The following SLCO1B1 variants were observed in gnomAD, a reference collection of about 807,000 sequenced individuals.
SLCO1B1 encodes the protein OATP-2.
In SLCO1B1, 81 loss-of-function variants were observed where a neutral mutation model predicts 70.1. The ratio of observed to expected loss-of-function variants is 1.16; its 90% CI spans 0.97 to 1.39. The LOEUF is 1.39. Ranked by LOEUF, SLCO1B1 falls within the 40% of genes most tolerant of loss-of-function variation. The probability of loss-of-function intolerance (pLI) is 0.00; values close to 1 mark genes in which losing one functional copy is unlikely to be tolerated. For synonymous variants in SLCO1B1, 283 were observed against 271.5 expected, an observed-to-expected ratio of 1.04 and a Z score of -0.42; for missense variants, 895 against 799.6, an observed-to-expected ratio of 1.12 and a Z score of -1.44.
chr12:21,159,263 A>C (rs1940581820), intron 2 of SLCO1B1, among the ~76,000 whole-genome samples: 1 of 152,150 alleles, frequency 6.6e-6, no homozygotes, highest in Non-Finnish European at 1.5e-5. Flanking sequence ...AAAACTTGCC[A>C]ATAGATATAA....
chr12:21,192,066 T>C (rs1053734804), intron 7 of SLCO1B1, among the ~76,000 whole-genome samples: 9 of 152,010 alleles, frequency 5.9e-5, no homozygotes, highest in Admixed American at 6.6e-5. Flanking sequence ...TATTGGTTTG[T>C]AGTTTTCTTC....
chr12:21,189,922 A>T (rs1364202302), intron 7 of SLCO1B1, among the ~76,000 whole-genome samples: 2 of 152,230 alleles, frequency 1.3e-5, no homozygotes, highest in Non-Finnish European at 2.9e-5. Context: ...ATTGTGGTTA[A>T]GAATAGTCAC....
chr12:21,135,381 G>T (rs1940203035), intron 1 of SLCO1B1, among the ~76,000 whole-genome samples: 1 of 151,930 alleles, frequency 6.6e-6, no homozygotes, highest in Non-Finnish European at 1.5e-5. Context: ...TCAATTCCTG[G>T]GTATCCTTGT....
At chr12:21,192,020 T>C (rs1941034740) in intron 7 of SLCO1B1, among the ~76,000 whole-genome samples, 2 of 152,066 alleles carry the variant, frequency 1.3e-5, no homozygotes, top group Non-Finnish European at 2.9e-5. Flanking sequence ...TTTACTAGTA[T>C]TGTTTGAGGA....
chr12:21,209,305 G>A (rs138375474), intron 11 of SLCO1B1, among the ~76,000 whole-genome samples: 5,861 of 151,712 alleles, frequency 0.039, 153 homozygotes, highest in Non-Finnish European at 0.054. Context: ...GAGAATATGC[G>A]GTGTTTGGTT....
chr12:21,142,843 A>C (rs1940330492), intron 2 of SLCO1B1, among the ~76,000 whole-genome samples: 1 of 152,102 alleles, frequency 6.6e-6, no homozygotes, highest in African/African-American at 2.4e-5. Context: ...GAAGCAATAA[A>C]ATTTCCAGAG....
At chr12:21,148,452 A>G (rs1940418086) in intron 2 of SLCO1B1, among the ~76,000 whole-genome samples, 1 of 152,038 alleles carries the variant, frequency 6.6e-6, no homozygotes, top group South Asian at 2.1e-4. Flanking sequence ...CCAACATCAT[A>G]TATATTAAGA....
At chr12:21,219,950 C>A (rs12146883) in intron 12 of SLCO1B1, among the ~76,000 whole-genome samples, 1 of 151,788 alleles carries the variant, frequency 6.6e-6, no homozygotes, top group African/African-American at 2.4e-5. Flanking sequence ...TTAGTAGGAC[C>A]TGGTTTTACC....
chr12:21,179,886 TC>T (rs1268747061), intron 7 of SLCO1B1, among the ~76,000 whole-genome samples: 1 of 152,060 alleles, frequency 6.6e-6, no homozygotes, highest in African/African-American at 2.4e-5. Context: ...TCCAGCTGAA[TC>T]CTTTTTTTAT....
chr12:21,135,972 C>G (rs1459056007), intron 1 of SLCO1B1, among the ~76,000 whole-genome samples: 1 of 152,116 alleles, frequency 6.6e-6, no homozygotes, highest in Non-Finnish European at 1.5e-5. Flanking sequence ...GTGGCTGGTA[C>G]CAGTTGTTCC....
At chr12:21,171,671 A>T (rs997822583) in intron 2 of SLCO1B1, among the ~76,000 whole-genome samples, 4 of 152,176 alleles carry the variant, frequency 2.6e-5, no homozygotes, top group Admixed American at 6.5e-5. Context: ...GTTCAGGCTG[A>T]CAGAATAGAA....
chr12:21,160,993 A>G (rs887158359), intron 2 of SLCO1B1, among the ~76,000 whole-genome samples: 1 of 152,164 alleles, frequency 6.6e-6, no homozygotes, highest in African/African-American at 2.4e-5. Context: ...TATTATTATT[A>G]AAAAATAAAA....
Position 21,205,950 on chromosome 12 carries a change from C to T in SLCO1B1, c.1414C>T (p.Pro472Ser), listed in dbSNP as rs746507861. 5 of 1,611,752 alleles carry T rather than the reference C, an allele frequency of 3.1e-6. No homozygotes were observed. The highest frequency in any genetic ancestry group is 4.5e-5 in the East Asian group (2 of 44,782). ...DCNCDESQWEPVCGNNGITYI... is the reference protein window; with the variant it reads ...DCNCDESQWESVCGNNGITYI... ...CAATTGTGATGAAAGTCAATGGGAACCAGTCTGTGGAAACAATGGAATAAC... is the reference window on the plus strand; with the variant it reads ...CAATTGTGATGAAAGTCAATGGGAATCAGTCTGTGGAAACAATGGAATAAC... The change falls in exon 11 of 15, where the codon CCA becomes TCA. Residue 472 changes from proline (P) to serine (S), a missense_variant. Physicochemically the swap from Pro to Ser is moderately conservative, Grantham distance 74. Coordinates refer to ENST00000256958, the MANE Select transcript of SLCO1B1 (RefSeq NM_006446.5).
intron 11 of SLCO1B1, among the ~76,000 whole-genome samples, chr12:21,212,104 A>G (rs922547036): frequency 7.1e-6 from 1 of 141,306 alleles, no homozygotes; most frequent in Admixed American, 7.1e-5. Flanking sequence ...GCCTTCTGCT[A>G]GCTTTTGAAT....
chr12:21,136,912 C>T (rs1940230644), intron 1 of SLCO1B1, among the ~76,000 whole-genome samples: 1 of 152,124 alleles, frequency 6.6e-6, no homozygotes, highest in Admixed American at 6.5e-5. Context: ...GCGCTCTGAT[C>T]TTTAGAGTTT....
chr12:21,160,223 A>G (rs1591803659), intron 2 of SLCO1B1, among the ~76,000 whole-genome samples: 1 of 152,078 alleles, frequency 6.6e-6, no homozygotes, highest in East Asian at 1.9e-4. Context: ...CTGATTTCAA[A>G]CTATACTACA....
intron 7 of SLCO1B1, among the ~76,000 whole-genome samples, chr12:21,189,109 A>G (rs1940996761): frequency 6.6e-6 from 1 of 152,164 alleles, no homozygotes; most frequent in South Asian, 2.1e-4. Context: ...AATGATTTCA[A>G]TTCTTTTATA....
In SLCO1B1 at chr12:21,224,754, C is replaced by T. The variant is rs199945870; in HGVS notation, c.1780C>T (p.Leu594=). The change falls in exon 14 of 15, where the codon CTG becomes TTG. Residue 594 remains leucine, a synonymous_variant. Coordinates refer to ENST00000256958, the MANE Select transcript of SLCO1B1 (RefSeq NM_006446.5). ...GILAPIYFGA[L]IDTTCIKWST... ...TCTAGCTCCAATATATTTTGGGGCTCTGATTGATACAACGTGTATAAAGTG... is the reference window on the plus strand; with the variant it reads ...TCTAGCTCCAATATATTTTGGGGCTTTGATTGATACAACGTGTATAAAGTG... The T allele has an allele frequency of 1.2e-5, 20 of 1,611,954 alleles. No individual in the cohort carries two copies. The Admixed American group carries it at 2.7e-4, about 22-fold the overall frequency.
At position 21,172,774 on chromosome 12, in the gene SLCO1B1, A is replaced by T; in HGVS notation, c.209A>T (p.Asp70Val). ...TCCTCTTCTCTTGTTGGTTTTATTG[A>T]CGGAAGCTTTGAAATTGGTAACATT... Reference protein sequence around the residue: ...EISSSLVGFIDGSFEIGNLLV... With the variant: ...EISSSLVGFIVGSFEIGNLLV... Residue 70 changes from aspartate to valine, a missense_variant, in exon 3 of 15, where the codon GAC becomes GTC. Asp to Val is a radical substitution (Grantham distance 152, BLOSUM62 -3). Coordinates refer to ENST00000256958, the MANE Select transcript of SLCO1B1 (RefSeq NM_006446.5). 6.2e-7 allele frequency: 1 copy of T among 1,613,208 alleles called. No individual in the cohort carries two copies. The highest frequency in any genetic ancestry group is 8.5e-7 in the Non-Finnish European group (1 of 1,179,652).
Sources: gnomAD v4.1 joint callset for allele counts (sites outside exome capture counted in the v4.1 genomes callset) on GRCh38, gnomAD v4.1.1 for gene constraint, MANE v1.5 for transcripts, NCBI Gene and HGNC (gene_info 2026-07-23, HGNC 2026-07-21) for gene names.